Variants in IMPA1 observed in about 807,000 individuals in gnomAD.
IMPA1 encodes the protein inositol monophosphatase 1.
A neutral mutation model predicts 34.9 loss-of-function variants in IMPA1; 21 were observed. That is an observed-to-expected ratio of 0.60 (90% CI 0.43 to 0.87). The LOEUF is 0.87. Ranked by LOEUF, IMPA1 falls within the 40% of genes least tolerant of loss-of-function variation. The pLI is 0.00. For synonymous variants in IMPA1, 95 were observed against 104.4 expected, an observed-to-expected ratio of 0.91 and a Z score of 0.55; for missense variants, 299 against 336.4, an observed-to-expected ratio of 0.89 and a Z score of 0.87.
chr8:81,686,253 T>C lies in IMPA1; in HGVS notation c.-26A>G, dbSNP rs1807523005. ...CGGTGAGGAAAATAACGGTCTCACC[T>C]TGAGTCGGAGGACGTCCGGCTAGCT... is the stretch of plus-strand genomic sequence containing the variant. On this transcript the variant is annotated splice_region_variant and 5_prime_UTR_variant, in exon 1 of 9. Transcript: ENST00000256108. The C allele has an allele frequency of 3.0e-6, 3 of 1,012,036 alleles. No individual in the cohort carries two copies. Among genetic ancestry groups the C allele is most frequent in the African/African-American group, 1.7e-5 (1 of 58,148 alleles). 62.7% of individuals were successfully genotyped at this position (1,012,036 alleles called of 1,614,324 possible).
At position 81,681,409 on chromosome 8, in the gene IMPA1, A is replaced by G. The variant is rs370635838; in HGVS notation, c.63+89T>C. The G allele has an allele frequency of 5.1e-6, 4 of 790,678 alleles. No individual in the cohort carries two copies. In the East Asian group the frequency reaches 1.0e-4, roughly 21 times the overall value. The allele number at this position is 790,678 out of a possible 1,614,324, so 49.0% of individuals were successfully genotyped here. ...CAAGACCGTTTCAAAAAAAGAAACC[A>G]AATCGAAACAAACAAAACAAGGCAA... On this transcript the variant is annotated intron_variant, in intron 2 of 8. Transcript: ENST00000256108.
At chr8:81,677,257 G>T (rs867811091) in intron 4 of IMPA1, among the ~76,000 whole-genome samples, 1 of 152,028 alleles carries the variant, frequency 6.6e-6, no homozygotes, top group Non-Finnish European at 1.5e-5. Flanking sequence ...CACCATACCC[G>T]GCTAATTTTG....
At chr8:81,685,382 A>C (rs926768894) in intron 1 of IMPA1, among the ~76,000 whole-genome samples, 1 of 139,006 alleles carries the variant, frequency 7.2e-6, no homozygotes, top group East Asian at 2.1e-4. Context: ...TGTACTATAT[A>C]TAAGTATATA....
chr8:81,657,624 T>C lies in IMPA1; in HGVS notation c.*1727A>G, dbSNP rs1806555349. On this transcript the variant is annotated 3_prime_UTR_variant, in exon 9 of 9. Transcript: ENST00000256108. The stretch of plus-strand genomic sequence containing the variant: ...CAAAGCCTCTAAAAGTAGTTTGAAC[T>C]ATTAACTTTAATAATGTAAATATCA... Among the ~76,000 whole-genome samples, 1 of 151,420 alleles carries C rather than the reference T, an allele frequency of 6.6e-6. No individual in the cohort carries two copies. The highest frequency in any genetic ancestry group is 2.4e-5 in the African/African-American group (1 of 41,218).
chr8:81,672,417 C>T (rs775290565), intron 6 of IMPA1, among the ~76,000 whole-genome samples: 5 of 152,188 alleles, frequency 3.3e-5, no homozygotes, highest in Non-Finnish European at 7.3e-5. Context: ...CACTTGAAGC[C>T]GCTTGCTACA....
chr8:81,678,343 C>T (rs1807187894), intron 4 of IMPA1, among the ~76,000 whole-genome samples: 1 of 152,118 alleles, frequency 6.6e-6, no homozygotes, highest in African/African-American at 2.4e-5. Context: ...TACTAAAATA[C>T]AATCTTTTTA....
At chr8:81,680,059 T>TGGGAGGTGGA (rs1247117842) in intron 3 of IMPA1, among the ~76,000 whole-genome samples, 8 of 149,742 alleles carry the variant, frequency 5.3e-5, no homozygotes, top group African/African-American at 2.0e-4. Flanking sequence ...CACTTGAACC[T>TGGGAGGTGGA]GGGAGGTGGA....
At chr8:81,673,691 A>G (rs1410027809) in intron 6 of IMPA1, 150 bp downstream of exon 6, 1 of 588,226 alleles carries the variant, frequency 1.7e-6, no homozygotes, top group African/African-American at 1.9e-5. Context: ...TCCATTCCAC[A>G]TTCAAAGCTG....
chr8:81,674,841 C>T, intron 5 of IMPA1: 1 of 455,672 alleles, frequency 2.2e-6, no homozygotes, highest in Non-Finnish European at 4.4e-6. Context: ...CCTAGTCTTG[C>T]AGAATTTCAA....
At chr8:81,672,386 C>A (rs1342597359) in intron 6 of IMPA1, among the ~76,000 whole-genome samples, 1 of 152,192 alleles carries the variant, frequency 6.6e-6, no homozygotes, top group Non-Finnish European at 1.5e-5. Context: ...CAGTCTCACT[C>A]CCCTGGAGTT....
At chr8:81,679,357 T>C in intron 3 of IMPA1, 127 bp from the exon 4 acceptor site, 2 of 662,006 alleles carry the variant, frequency 3.0e-6, no homozygotes, top group Non-Finnish European at 5.4e-6. Context: ...TTCACGCCTG[T>C]AATCCCAGCA....
In IMPA1 at chr8:81,657,675, G is replaced by A. The variant is rs913887144; in HGVS notation, c.*1676C>T. ...TGGCCTGGCTCGGTGGCTCACATCT[G>A]TAATCCCAGCACTTTGGGAGGCCAA... is the stretch of plus-strand genomic sequence containing the variant. On this transcript the variant is annotated 3_prime_UTR_variant, in exon 9 of 9. Transcript: ENST00000256108. Among the ~76,000 whole-genome samples, 1 of 152,074 alleles carries A rather than the reference G, an allele frequency of 6.6e-6. No homozygotes were observed. Among genetic ancestry groups the A allele is most frequent in the Non-Finnish European group, 1.5e-5 (1 of 67,994 alleles).
chr8:81,667,092 C>G (rs1169438233), intron 7 of IMPA1, among the ~76,000 whole-genome samples: 1 of 151,892 alleles, frequency 6.6e-6, no homozygotes, highest in Non-Finnish European at 1.5e-5. Context: ...AAGACTGATA[C>G]ATCAGAGACT....
intron 1 of IMPA1, among the ~76,000 whole-genome samples, chr8:81,684,219 T>C (rs979510253): frequency 6.8e-6 from 1 of 146,326 alleles, no homozygotes; most frequent in African/African-American, 2.5e-5. Context: ...TTAGATACTA[T>C]ATATAGTATA....
chr8:81,679,630 A>T (rs1807234087), intron 3 of IMPA1, among the ~76,000 whole-genome samples: 1 of 151,510 alleles, frequency 6.6e-6, no homozygotes, highest in South Asian at 2.1e-4. Flanking sequence ...AAAAAAAAAA[A>T]ATAGCAAAAG....
intron 3 of IMPA1, among the ~76,000 whole-genome samples, chr8:81,679,818 G>T (rs559072286): frequency 2.6e-5 from 4 of 152,184 alleles, no homozygotes; most frequent in African/African-American, 7.2e-5. Flanking sequence ...CGGCAGATAA[G>T]AAATCATTAA....
chr8:81,685,934 G>A (rs760425132), intron 1 of IMPA1: 1 of 1,532,918 alleles, frequency 6.5e-7, no homozygotes, highest in South Asian at 1.2e-5. Context: ...GTGACTACCT[G>A]GGCCTGGGGA....
intron 4 of IMPA1, among the ~76,000 whole-genome samples, chr8:81,676,689 A>G (rs951505339): frequency 6.6e-5 from 10 of 152,184 alleles, no homozygotes; most frequent in Non-Finnish European, 4.4e-5. Flanking sequence ...GTAGCTATGT[A>G]AAAATATTTT....
intron 7 of IMPA1, among the ~76,000 whole-genome samples, chr8:81,663,436 G>A (rs1806732683): frequency 6.6e-6 from 1 of 152,190 alleles, no homozygotes; most frequent in South Asian, 2.1e-4. Context: ...TCTAAGAGAA[G>A]TCCAATATTG....
Sources: gnomAD v4.1 joint callset for allele counts (sites outside exome capture counted in the v4.1 genomes callset) on GRCh38, gnomAD v4.1.1 for gene constraint, MANE v1.5 for transcripts, NCBI Gene and HGNC (gene_info 2026-07-23, HGNC 2026-07-21) for gene names.